Variants in ZNF469 observed in about 807,000 individuals in gnomAD.
The protein encoded by ZNF469 is zinc finger protein 469.
ZNF469 carries 1 observed loss-of-function variant against 1.0 expected under a neutral mutation model. The ratio of observed to expected loss-of-function variants is 1.00; its 90% confidence interval spans 0.35 to 4.73. ZNF469 has a LOEUF of 4.73. Ranked by LOEUF, ZNF469 falls within the 30% of genes most tolerant of loss-of-function variation. The pLI is 0.16. For missense variants in ZNF469, 6,100 were observed against 5,356.3 expected, an observed-to-expected ratio of 1.14 and a Z score of -4.33; for synonymous variants, 2,703 against 2,363.4, an observed-to-expected ratio of 1.14 and a Z score of -4.17.
At chr16:88,278,609 G>A in the ZNF469 span, among the ~76,000 whole-genome samples, 8 of 131,486 alleles carry the variant, frequency 6.1e-5, 1 homozygote, top group South Asian at 2.5e-4. Flanking sequence ...GCTGACACTC[G>A]GTCAGTACCG....
At chr16:88,184,212 G>A in the ZNF469 span, among the ~76,000 whole-genome samples, 1 of 152,128 alleles carries the variant, frequency 6.6e-6, no homozygotes, top group Non-Finnish European at 1.5e-5. Context: ...TCAGCTCCGT[G>A]CCAGGGAAGA....
chr16:88,131,051 G>A, the ZNF469 span, among the ~76,000 whole-genome samples: 1 of 152,250 alleles, frequency 6.6e-6, no homozygotes. Flanking sequence ...CGTTCGCCTG[G>A]CATTTCTGGC....
At chr16:88,229,705 G>A in the ZNF469 span, among the ~76,000 whole-genome samples, 110 of 152,168 alleles carry the variant, frequency 7.2e-4, no homozygotes, top group Non-Finnish European at 1.3e-3. Flanking sequence ...GATGTCACAC[G>A]TGTGTGCTGA....
chr16:88,420,061 G>A (rs1597201419), intron 1 of ZNF469, among the ~76,000 whole-genome samples: 1 of 152,192 alleles, frequency 6.6e-6, no homozygotes, highest in African/African-American at 2.4e-5. Flanking sequence ...TCTGGAAAGC[G>A]GGGCCACACG....
chr16:88,395,452 TTGTA>T (rs1443591958), intron 1 of ZNF469, among the ~76,000 whole-genome samples: 1 of 152,152 alleles, frequency 6.6e-6, no homozygotes, highest in African/African-American at 2.4e-5. Context: ...TTATGTAACA[TTGTA>T]TGTTACACGT....
the ZNF469 span, among the ~76,000 whole-genome samples, chr16:88,307,421 T>A: frequency 6.6e-6 from 1 of 152,222 alleles, no homozygotes; most frequent in Non-Finnish European, 1.5e-5. Context: ...CTGGCCAAAC[T>A]GTTTTTCCAA....
At chr16:88,397,995 G>A (rs1453642697) in intron 1 of ZNF469, among the ~76,000 whole-genome samples, 2 of 152,252 alleles carry the variant, frequency 1.3e-5, no homozygotes, top group Non-Finnish European at 2.9e-5. Context: ...AGGAGATGGT[G>A]CAGGTCCTCT....
chr16:88,281,243 C>T, the ZNF469 span, among the ~76,000 whole-genome samples: 3 of 133,394 alleles, frequency 2.2e-5, no homozygotes, highest in African/African-American at 7.8e-5. Flanking sequence ...TGCTGTGCCA[C>T]ACCGATTCTT....
chr16:88,144,483 C>T, the ZNF469 span, among the ~76,000 whole-genome samples: 6 of 152,190 alleles, frequency 3.9e-5, no homozygotes, highest in Non-Finnish European at 5.9e-5. Context: ...CTCCAGCCAC[C>T]CCAGCCCGTG....
At chr16:88,296,518 CCA>C in the ZNF469 span, among the ~76,000 whole-genome samples, 825 of 151,446 alleles carry the variant, frequency 5.4e-3, 7 homozygotes, top group Non-Finnish European at 8.3e-3. Flanking sequence ...CTCACCCTCC[CCA>C]CACACACACA....
the ZNF469 span, among the ~76,000 whole-genome samples, chr16:88,150,755 A>AG: frequency 9.3e-5 from 5 of 54,024 alleles, no homozygotes; most frequent in Non-Finnish European, 1.1e-4. Context: ...GGACTTTGGG[A>AG]GGGGGGTGGG....
chr16:88,397,653 A>AG (rs1555516246), intron 1 of ZNF469, among the ~76,000 whole-genome samples: 18,866 of 75,858 alleles, frequency 0.25, 1,384 homozygotes, highest in African/African-American at 0.39. Context: ...GGATATAAAT[A>AG]AGAGATAGAT....
chr16:88,212,375 C>G, the ZNF469 span, among the ~76,000 whole-genome samples: 2 of 152,174 alleles, frequency 1.3e-5, no homozygotes, highest in African/African-American at 4.8e-5. Context: ...TCTGTTTCAA[C>G]CACTTTATCT....
At chr16:88,165,639 C>T in the ZNF469 span, among the ~76,000 whole-genome samples, 17 of 152,302 alleles carry the variant, frequency 1.1e-4, no homozygotes, top group South Asian at 3.1e-3. Context: ...TAACATAAGA[C>T]GTACTATCTT....
the ZNF469 span, among the ~76,000 whole-genome samples, chr16:88,229,623 CGTGTGGATGTCACGT>C: frequency 1.8e-3 from 225 of 128,430 alleles, 4 homozygotes; most frequent in South Asian, 0.014. Context: ...TGATGTCACG[CGTGTGGATGTCACGT>C]GTGTGTGCTG....
chr16:88,302,246 G>A, the ZNF469 span, among the ~76,000 whole-genome samples: 380 of 152,350 alleles, frequency 2.5e-3, 2 homozygotes, highest in Non-Finnish European at 4.7e-3. Flanking sequence ...CTGTCGGAGT[G>A]CTGGGAATCA....
chr16:88,273,604 A>G, the ZNF469 span, among the ~76,000 whole-genome samples: 2 of 152,332 alleles, frequency 1.3e-5, no homozygotes, highest in South Asian at 4.1e-4. Context: ...AGTTCCTCAA[A>G]AAATTAAAAC....
At chr16:88,302,765 C>T in the ZNF469 span, among the ~76,000 whole-genome samples, 1 of 152,202 alleles carries the variant, frequency 6.6e-6, no homozygotes, top group African/African-American at 2.4e-5. Flanking sequence ...CTGCATCTGT[C>T]TGCTTTCCAG....
the ZNF469 span, among the ~76,000 whole-genome samples, chr16:88,155,876 T>C: frequency 5.0e-4 from 76 of 152,338 alleles, 1 homozygote; most frequent in South Asian, 4.1e-3. Flanking sequence ...TAGCAGTGCA[T>C]GAGGGCCTCG....
Sources: gnomAD v4.1 joint callset for allele counts (sites outside exome capture counted in the v4.1 genomes callset) on GRCh38, gnomAD v4.1.1 for gene constraint, MANE v1.5 for transcripts, NCBI Gene and HGNC (gene_info 2026-07-23, HGNC 2026-07-21) for gene names.